Variants in SLC25A14 observed in about 807,000 individuals in gnomAD.
SLC25A14 encodes brain mitochondrial carrier protein 1.
A neutral mutation model predicts 28.1 loss-of-function variants in SLC25A14; 8 were observed. The observed-to-expected ratio is 0.28, with a 90% confidence interval of 0.17 to 0.51. The LOEUF (loss-of-function observed/expected upper bound fraction) is 0.51, where lower values mean the gene tolerates loss of function less well. Among genes scored for constraint, SLC25A14 ranks in the 20% least tolerant of loss-of-function variants. SLC25A14 has a pLI of 0.97. For missense variants in SLC25A14, 135 were observed against 263.8 expected (o/e 0.51, Z 3.38); for synonymous variants, 74 against 90.6 (o/e 0.82, Z 1.04).
At chrX:130,356,515 C>T (rs2033799126) in intron 6 of SLC25A14, among the ~76,000 whole-genome samples, 1 of 111,287 alleles carries the variant, frequency 9.0e-6, no homozygotes, top group Admixed American at 9.5e-5. Flanking sequence ...AGGCGTGAGC[C>T]ACTGCGCCTG....
chrX:130,356,377 C>T (rs1020300246), intron 6 of SLC25A14, among the ~76,000 whole-genome samples: 1 of 109,041 alleles, frequency 9.2e-6, no homozygotes, highest in African/African-American at 3.3e-5. Flanking sequence ...CACAGGTGCA[C>T]ACCACCACGC....
At chrX:130,365,880 A>G (rs2034104273) in intron 9 of SLC25A14, among the ~76,000 whole-genome samples, 2 of 112,377 alleles carry the variant, frequency 1.8e-5, no homozygotes, top group Admixed American at 9.4e-5. Flanking sequence ...AATGATTCCC[A>G]TTTGAATGCT....
At chrX:130,345,330 G>C (rs1006877042) in intron 3 of SLC25A14, 55 bp downstream of exon 3, 35 of 753,491 alleles carry the variant, frequency 4.6e-5, no homozygotes, top group Middle Eastern at 2.9e-4. Context: ...GGTAGCTTAT[G>C]ATGATGGTTA....
chrX:130,349,577 A>C, intron 5 of SLC25A14: 1 of 221,180 alleles, frequency 4.5e-6, no homozygotes, highest in Non-Finnish European at 8.3e-6. Context: ...TGATCATCCC[A>C]AAAGAAACAT....
intron 2 of SLC25A14, among the ~76,000 whole-genome samples, chrX:130,342,851 C>T (rs1453083004): frequency 9.2e-6 from 1 of 108,310 alleles, no homozygotes; most frequent in Non-Finnish European, 1.9e-5. Flanking sequence ...ATAGACAGTC[C>T]CTAAATTAAA....
At chrX:130,359,640 G>A (rs998035597) in intron 7 of SLC25A14, among the ~76,000 whole-genome samples, 7 of 110,312 alleles carry the variant, frequency 6.3e-5, no homozygotes, top group African/African-American at 2.0e-4. Flanking sequence ...TACAGAGAGA[G>A]TGGAATGGGA....
chrX:130,341,160 T>A lies in SLC25A14; in HGVS notation c.75+807T>A, dbSNP rs5975183. 9.2e-3 allele frequency among the ~76,000 whole-genome samples: 1,030 copies of A among 112,201 alleles called. 11 individuals are homozygous for A. Among genetic ancestry groups the A allele is most frequent in the African/African-American group, 0.032 (990 of 30,870 alleles). On this transcript the variant is annotated intron_variant, in intron 2 of 10. Transcript: ENST00000545805. The stretch of plus-strand genomic sequence containing the variant: ...AATTTAGGTTCTCTCACCTCGGCAA[T>A]TTTCAAATTAGTCAATCCCATGCTG...
chrX:130,340,922 G>T (rs2033238359), intron 2 of SLC25A14, among the ~76,000 whole-genome samples: 1 of 108,981 alleles, frequency 9.2e-6, no homozygotes, highest in Non-Finnish European at 1.9e-5. Flanking sequence ...AACATAACAT[G>T]CTCCTTATCA....
In SLC25A14 at chrX:130,370,069, A is replaced by T. The variant is rs150367708; in HGVS notation, c.856-1495A>T. ...CATTTAACAGTCTAGGTTCTAGGTT[A>T]TTCACATCTGGGCTTTATTTGGGGT... On this transcript the variant is annotated intron_variant, in intron 9 of 10. Coordinates refer to ENST00000545805, the MANE Select transcript of SLC25A14 (RefSeq NM_001282195.2). 4.4e-3 allele frequency among the ~76,000 whole-genome samples: 493 copies of T among 111,851 alleles called. 3 individuals are homozygous for T. The highest frequency in any genetic ancestry group is 6.2e-3 in the Non-Finnish European group (329 of 53,174).
At chrX:130,353,102 A>C (rs188818936) in intron 6 of SLC25A14, among the ~76,000 whole-genome samples, 10 of 111,977 alleles carry the variant, frequency 8.9e-5, no homozygotes, top group African/African-American at 3.2e-4. Context: ...GGTGAAAGGT[A>C]GGGGCCCAGT....
At chrX:130,368,396 C>CCA (rs747251321) in intron 9 of SLC25A14, among the ~76,000 whole-genome samples, 1 of 111,540 alleles carries the variant, frequency 9.0e-6, no homozygotes, top group Non-Finnish European at 1.9e-5. Context: ...AGAGGCCCCC[C>CCA]CACACACACA....
At position 130,365,537 on chromosome X, in the gene SLC25A14, T is replaced by C; in HGVS notation, c.720-4T>C. 1.7e-6 allele frequency: 2 copies of C among 1,211,239 alleles called. No individual in the cohort carries two copies. The highest frequency in any genetic ancestry group is 3.5e-5 in the African/African-American group (2 of 57,873). On this transcript the variant is annotated splice_polypyrimidine_tract_variant and splice_region_variant and intron_variant, in intron 8 of 10. Coordinates refer to ENST00000545805, the MANE Select transcript of SLC25A14 (RefSeq NM_001282195.2). ...GGTCGATCTACTTAAACTTTTCCTC[T>C]TAGTTCCAGCTTTACATGTGGTTTG...
At chrX:130,351,022 C>A (rs2033608779) in intron 6 of SLC25A14, among the ~76,000 whole-genome samples, 1 of 111,620 alleles carries the variant, frequency 9.0e-6, no homozygotes, top group Non-Finnish European at 1.9e-5. Context: ...GGTCCTCACA[C>A]TGGGGTATGC....
intron 2 of SLC25A14, among the ~76,000 whole-genome samples, chrX:130,344,806 A>C (rs1165108289): frequency 4.5e-5 from 5 of 111,976 alleles, no homozygotes; most frequent in African/African-American, 1.6e-4. Flanking sequence ...GAGATGCCTC[A>C]GCCTATATAA....
intron 8 of SLC25A14, chrX:130,365,136 G>GT (rs1276124553): frequency 1.2e-6 from 1 of 808,622 alleles, no homozygotes; most frequent in Non-Finnish European, 1.5e-6. Context: ...CTAAAGCACA[G>GT]TTTTTTGGCT....
chrX:130,343,961 CT>C (rs1395008135), intron 2 of SLC25A14, among the ~76,000 whole-genome samples: 1 of 112,037 alleles, frequency 8.9e-6, no homozygotes, highest in Admixed American at 9.5e-5. Context: ...GGAAATGAAT[CT>C]GGAGTTAGCA....
chrX:130,357,261 T>C (rs753693485), intron 6 of SLC25A14, among the ~76,000 whole-genome samples: 13 of 112,239 alleles, frequency 1.2e-4, no homozygotes, highest in Non-Finnish European at 2.4e-4. Flanking sequence ...AAATTTCACA[T>C]AACTCATCTC....
intron 10 of SLC25A14, among the ~76,000 whole-genome samples, chrX:130,372,501 C>T (rs1299896330): frequency 2.8e-5 from 3 of 107,517 alleles, no homozygotes; most frequent in South Asian, 4.1e-4. Flanking sequence ...CTTGCTCTCT[C>T]GCCCAGGCTG....
chrX:130,363,924 A>G (rs1428979869), intron 7 of SLC25A14, among the ~76,000 whole-genome samples: 2 of 110,504 alleles, frequency 1.8e-5, no homozygotes, highest in Non-Finnish European at 3.8e-5. Flanking sequence ...TTTAAGAGAT[A>G]GAGTCTTACT....
Sources: allele counts gnomAD v4.1 joint callset (sites outside exome capture counted in the v4.1 genomes callset), GRCh38; gene constraint gnomAD v4.1.1; transcripts MANE v1.5; gene names NCBI Gene and HGNC (gene_info 2026-07-23, HGNC 2026-07-21).